Variants in ZNF385D observed in about 807,000 individuals in gnomAD.
ZNF385D encodes zinc finger protein 385D.
Under a neutral mutation model 35.8 loss-of-function variants are expected in ZNF385D, and 15 were observed. That is an observed-to-expected ratio of 0.42 (90% CI 0.28 to 0.64). ZNF385D has a LOEUF of 0.64. ZNF385D is among the 30% of genes least tolerant of loss of function. The pLI is 0.23. For missense variants in ZNF385D, 474 were observed against 494.6 expected (o/e 0.96, Z 0.39); for synonymous variants, 212 against 186.8 (o/e 1.13, Z -1.10).
intron 1 of ZNF385D, among the ~76,000 whole-genome samples, chr3:21,694,569 C>G (rs529922907): frequency 6.6e-6 from 1 of 151,978 alleles, no homozygotes; most frequent in African/African-American, 2.4e-5. Flanking sequence ...ATCCCTTGCT[C>G]GATAGAGAAA....
At chr3:21,520,231 T>C (rs373741931) in intron 3 of ZNF385D, among the ~76,000 whole-genome samples, 3 of 152,200 alleles carry the variant, frequency 2.0e-5, no homozygotes, top group African/African-American at 7.2e-5. Context: ...TATGTCTGCA[T>C]CGTAGCACTT....
intron 3 of ZNF385D, among the ~76,000 whole-genome samples, chr3:21,552,966 T>TGAG (rs1388859111): frequency 6.6e-6 from 1 of 151,958 alleles, no homozygotes; most frequent in Non-Finnish European, 1.5e-5. Context: ...GGCAGAAGAG[T>TGAG]GAGGCAATGA....
At chr3:21,548,853 T>C (rs2062470874) in intron 3 of ZNF385D, among the ~76,000 whole-genome samples, 1 of 152,222 alleles carries the variant, frequency 6.6e-6, no homozygotes, top group Non-Finnish European at 1.5e-5. Flanking sequence ...CTTGTCCACC[T>C]AGCTGTTTCA....
chr3:21,892,166 C>A (rs1305938277), intron 3 of ZNF385D, among the ~76,000 whole-genome samples: 1 of 152,136 alleles, frequency 6.6e-6, no homozygotes, highest in African/African-American at 2.4e-5. Flanking sequence ...GAAATTAAAA[C>A]ACCTCAAATG....
At chr3:22,343,221 G>A (rs987989246) in intron 2 of ZNF385D, among the ~76,000 whole-genome samples, 1 of 152,116 alleles carries the variant, frequency 6.6e-6, no homozygotes, top group East Asian at 1.9e-4. Context: ...GCTAATTCAA[G>A]ACCCATCATT....
At chr3:21,989,562 T>G (rs948625654) in intron 3 of ZNF385D, among the ~76,000 whole-genome samples, 1 of 152,194 alleles carries the variant, frequency 6.6e-6, no homozygotes, top group Non-Finnish European at 1.5e-5. Context: ...GAATAAATGA[T>G]GAAATAGGCT....
chr3:21,800,682 C>G (rs2072356312), intron 3 of ZNF385D, among the ~76,000 whole-genome samples: 1 of 152,110 alleles, frequency 6.6e-6, no homozygotes, highest in South Asian at 2.1e-4. Context: ...AATTGCTTTT[C>G]TAAGTTCCTC....
intron 3 of ZNF385D, among the ~76,000 whole-genome samples, chr3:21,844,071 G>A (rs1280812622): frequency 1.3e-5 from 2 of 151,930 alleles, no homozygotes; most frequent in Non-Finnish European, 2.9e-5. Context: ...GATGATATCT[G>A]GCAGAGATGG....
At chr3:22,302,846 A>G (rs777750977) in intron 2 of ZNF385D, among the ~76,000 whole-genome samples, 3 of 152,074 alleles carry the variant, frequency 2.0e-5, no homozygotes, top group Non-Finnish European at 4.4e-5. Flanking sequence ...TTTATTTTAA[A>G]TCAAATATTT....
At chr3:21,955,949 G>T (rs542207908) in intron 3 of ZNF385D, among the ~76,000 whole-genome samples, 13 of 152,152 alleles carry the variant, frequency 8.5e-5, no homozygotes, top group Non-Finnish European at 1.6e-4. Flanking sequence ...AATTTGGGAG[G>T]CCCAGGCATG....
chr3:22,096,355 T>G (rs1701631662), intron 3 of ZNF385D, among the ~76,000 whole-genome samples: 1 of 133,206 alleles, frequency 7.5e-6, no homozygotes, highest in African/African-American at 2.5e-5. Context: ...AATACAAATT[T>G]TTTTAAAAGA....
At chr3:22,174,307 C>G (rs756905622) in intron 2 of ZNF385D, among the ~76,000 whole-genome samples, 1 of 152,142 alleles carries the variant, frequency 6.6e-6, no homozygotes, top group Non-Finnish European at 1.5e-5. Flanking sequence ...GTTCTTGCAT[C>G]TGATGCCTTG....
intron 7 of ZNF385D, 24 bp downstream of exon 7, chr3:21,423,939 G>A (rs1559434836): frequency 6.3e-7 from 1 of 1,596,172 alleles, no homozygotes; most frequent in African/African-American, 1.3e-5. Context: ...AATAGAGGCT[G>A]GACTCTTGCA....
intron 3 of ZNF385D, among the ~76,000 whole-genome samples, chr3:22,028,806 C>T (rs753506420): frequency 3.9e-5 from 6 of 152,142 alleles, no homozygotes; most frequent in Admixed American, 1.3e-4. Flanking sequence ...CTTGAAGCAG[C>T]TGGATTTATA....
chr3:22,005,287 G>T (rs1272673115), intron 3 of ZNF385D, among the ~76,000 whole-genome samples: 1 of 151,676 alleles, frequency 6.6e-6, no homozygotes, highest in Non-Finnish European at 1.5e-5. Flanking sequence ...AAAAAAATAA[G>T]AAATTCTGAA....
At chr3:22,286,654 G>A (rs1488090523) in intron 2 of ZNF385D, among the ~76,000 whole-genome samples, 1 of 152,026 alleles carries the variant, frequency 6.6e-6, no homozygotes, top group African/African-American at 2.4e-5. Context: ...TGACTCAATA[G>A]TTGTTCAAAA....
At chr3:21,873,786 A>C (rs1697819212) in intron 3 of ZNF385D, among the ~76,000 whole-genome samples, 1 of 152,136 alleles carries the variant, frequency 6.6e-6, no homozygotes, top group Admixed American at 6.6e-5. Flanking sequence ...TTCAAGGTCC[A>C]TCTATGATGT....
chr3:21,579,867 C>T (rs2063602939), intron 2 of ZNF385D: 1 of 151,992 alleles, frequency 6.6e-6, no homozygotes. Flanking sequence ...TCTCGGTGCC[C>T]AAATTTCTCC....
chr3:21,931,086 T>C (rs1489879432), intron 3 of ZNF385D, among the ~76,000 whole-genome samples: 1 of 152,048 alleles, frequency 6.6e-6, no homozygotes. Flanking sequence ...CCAGAATATA[T>C]AAAGAAATTT....
Sources: gnomAD v4.1 joint callset for allele counts (sites outside exome capture counted in the v4.1 genomes callset) on GRCh38, gnomAD v4.1.1 for gene constraint, MANE v1.5 for transcripts, NCBI Gene and HGNC (gene_info 2026-07-23, HGNC 2026-07-21) for gene names.